DBH: variants seen among roughly 807,000 people sequenced by gnomAD.
DBH encodes dopamine beta-hydroxylase, also known as dopamine beta-hydroxylase (dopamine beta-monooxygenase).
Under a neutral mutation model 64.0 loss-of-function variants are expected in DBH, and 49 were observed. The ratio of observed to expected loss-of-function variants is 0.77; its 90% CI spans 0.61 to 0.97. The LOEUF is 0.97. DBH is among the 50% of genes least tolerant of loss of function. The pLI is 0.00. For missense variants in DBH, 828 were observed against 826.6 expected (o/e 1.00, Z -0.02); for synonymous variants, 343 against 347.1 (o/e 0.99, Z 0.13).
At chr9:133,651,860 T>A in intron 7 of DBH, 83 bp downstream of exon 7, 1 of 1,278,448 alleles carries the variant, frequency 7.8e-7, no homozygotes, top group Non-Finnish European at 1.1e-6. Context: ...CCTGACACCA[T>A]AGGGATGGCT....
At chr9:133,652,152 C>A in intron 7 of DBH, 94 bp from the exon 8 acceptor site, 1 of 1,449,966 alleles carries the variant, frequency 6.9e-7, no homozygotes, top group Non-Finnish European at 9.7e-7. Flanking sequence ...CCCCAGAGGT[C>A]AGGGAGGCCT....
At chr9:133,654,542 A>T (rs1832291086) in intron 9 of DBH, 1 of 152,244 alleles carries the variant, frequency 6.6e-6, no homozygotes, top group Non-Finnish European at 1.5e-5. Context: ...TTCAGGTGAC[A>T]AGTGTCCTAG....
At chr9:133,647,745 C>T (rs1214236841) in intron 5 of DBH, 101 bp from the exon 6 acceptor site, 16 of 1,461,950 alleles carry the variant, frequency 1.1e-5, no homozygotes, top group Middle Eastern at 1.7e-4. Flanking sequence ...GCCCTGCCTC[C>T]TGGCTGAGGG....
In DBH at chr9:133,636,774, T is replaced by C. The variant is rs879626068; in HGVS notation, c.339+64T>C. On this transcript the variant is annotated intron_variant, in intron 1 of 11. Coordinates refer to ENST00000393056, the MANE Select transcript of DBH (RefSeq NM_000787.4). Reference sequence around the variant, plus strand: ...TGACCCGGCACCCCATCTGGCCGTCTTTCTGCACTCACCCTCCTTAACCCA... The same window carrying C: ...TGACCCGGCACCCCATCTGGCCGTCCTTCTGCACTCACCCTCCTTAACCCA... The C allele has an allele frequency of 6.3e-6, 9 of 1,437,750 alleles. No homozygotes were observed. The Admixed American group carries it at 1.6e-4, about 26-fold the overall frequency. The allele number at this position is 1,437,750 out of a possible 1,614,324, so 89.1% of individuals were successfully genotyped here. A position where few individuals can be genotyped will look rare whatever the true frequency, so the allele number is the denominator to read the frequency against.
At position 133,642,207 on chromosome 9, in the gene DBH, G is replaced by T. The variant is rs755432513; in HGVS notation, c.487G>T (p.Asp163Tyr). Residue 163 changes from aspartate to tyrosine, a missense_variant and splice_region_variant, in exon 3 of 12, where the codon GAC (aspartate) becomes TAC (tyrosine). Asp to Tyr is a radical substitution (Grantham distance 160). Transcript: ENST00000393056. ...TCDPKDYLIEDGTVHLVYGIL... is the reference protein window; with the variant it reads ...TCDPKDYLIEYGTVHLVYGIL... Reference sequence around the variant, plus strand: ...CAGCTGAACCCTGTCTCGGCTGCAGGACGGCACTGTCCACTTGGTCTACGG... The same window carrying T: ...CAGCTGAACCCTGTCTCGGCTGCAGTACGGCACTGTCCACTTGGTCTACGG... 5.6e-6 allele frequency: 9 copies of T among 1,613,048 alleles called. No individual in the cohort carries two copies. The highest frequency in any genetic ancestry group is 2.2e-5 in the East Asian group (1 of 44,852).
chr9:133,640,118 C>T (rs1036678303), intron 2 of DBH, 126 bp downstream of exon 2: 39 of 1,332,614 alleles, frequency 2.9e-5, no homozygotes, highest in South Asian at 2.1e-4. Flanking sequence ...CCAGCTATGA[C>T]AGAGAGAAAG....
Position 133,639,996 on chromosome 9 carries a change from AG to A in DBH, c.486+8del. The A allele has an allele frequency of 6.2e-7, 1 of 1,613,834 alleles. No homozygotes were observed. The highest frequency in any genetic ancestry group is 1.1e-5 in the South Asian group (1 of 91,058). On this transcript the variant is annotated splice_donor_5th_base_variant and intron_variant, in intron 2 of 11. Transcript: ENST00000393056. The stretch of plus-strand genomic sequence containing the variant: ...CCCCAAGGATTACCTCATTGAAGTA[AG>A]GGGTGGCCGCGAGTACCCAGGAGGG...
intron 11 of DBH, 73 bp from the exon 12 acceptor site, chr9:133,658,232 AGAGGTGGCTGG>A (rs1266078723): frequency 2.6e-6 from 4 of 1,566,802 alleles, no homozygotes; most frequent in Non-Finnish European, 3.5e-6. Flanking sequence ...CAAGAATCCA[AGAGGTGGCTGG>A]GAAGTGGCTG....
At chr9:133,646,958 C>T (rs544626987) in intron 5 of DBH, among the ~76,000 whole-genome samples, 60 of 152,254 alleles carry the variant, frequency 3.9e-4, no homozygotes, top group African/African-American at 1.2e-3. Context: ...ACACAGTCTC[C>T]GTGACTCGAA....
At position 133,639,931 on chromosome 9, in the gene DBH, G is replaced by C; in HGVS notation, c.425G>C (p.Gly142Ala). 2 of 1,613,840 alleles carry C rather than the reference G, an allele frequency of 1.2e-6. No individual in the cohort carries two copies. The highest frequency in any genetic ancestry group is 2.2e-5 in the East Asian group (1 of 44,882). Reference sequence around the variant, plus strand: ...CTGCAGGTGCAGAGGACCCCAGAAGGCCTGACCCTGCTTTTCAAGAGGCCC... The same window carrying C: ...CTGCAGGTGCAGAGGACCCCAGAAGCCCTGACCCTGCTTTTCAAGAGGCCC... ...QLLQVQRTPE[G>A]LTLLFKRPFG... The change falls in exon 2 of 12, where the codon GGC becomes GCC. Residue 142 changes from glycine to alanine, a missense_variant. Transcript: ENST00000393056.
chr9:133,646,873 C>CA (rs1472321316), intron 5 of DBH, among the ~76,000 whole-genome samples: 1 of 152,176 alleles, frequency 6.6e-6, no homozygotes, highest in Admixed American at 6.5e-5. Flanking sequence ...GAGGCTGGCC[C>CA]AGGGAGCTTC....
intron 2 of DBH, among the ~76,000 whole-genome samples, chr9:133,641,480 C>T (rs1243237003): frequency 7.2e-5 from 11 of 152,254 alleles, no homozygotes; most frequent in Non-Finnish European, 1.6e-4. Context: ...GCGTCCCCTG[C>T]ACAGGGCGGC....
At chr9:133,645,269 G>T (rs1832169829) in intron 5 of DBH, among the ~76,000 whole-genome samples, 1 of 151,040 alleles carries the variant, frequency 6.6e-6, no homozygotes, top group Non-Finnish European at 1.5e-5. Flanking sequence ...GGCTGCATAA[G>T]TAATACCTTC....
At chr9:133,640,478 T>C (rs3025392) in intron 2 of DBH, among the ~76,000 whole-genome samples, 1,598 of 152,320 alleles carry the variant, frequency 0.01, 16 homozygotes, top group African/African-American at 0.036. Flanking sequence ...ATGATCTGTA[T>C]GGCCTGACCA....
chr9:133,656,934 C>A, intron 10 of DBH, 136 bp from the exon 11 acceptor site: 1 of 1,070,228 alleles, frequency 9.3e-7, no homozygotes, highest in Non-Finnish European at 1.4e-6. Flanking sequence ...CTGGCGGAGG[C>A]AGCGGGGCTG....
At chr9:133,644,359 G>A in intron 5 of DBH, 39 bp downstream of exon 5, 1 of 1,539,842 alleles carries the variant, frequency 6.5e-7, no homozygotes, top group Admixed American at 1.7e-5. Context: ...GAAGCCCTAG[G>A]ACTCAGCTGT....
At chr9:133,640,324 G>C (rs542536997) in intron 2 of DBH, among the ~76,000 whole-genome samples, 1 of 152,340 alleles carries the variant, frequency 6.6e-6, no homozygotes, top group South Asian at 2.1e-4. Flanking sequence ...TCCTGGTCCT[G>C]TTAACCATCA....
At chr9:133,638,472 G>A (rs1047589357) in intron 1 of DBH, among the ~76,000 whole-genome samples, 2 of 152,190 alleles carry the variant, frequency 1.3e-5, no homozygotes, top group African/African-American at 4.8e-5. Flanking sequence ...GGCTTTCTTG[G>A]GGTTTCCATG....
chr9:133,647,804 C>T (rs1455489026), intron 5 of DBH, 42 bp from the exon 6 acceptor site: 2 of 1,611,752 alleles, frequency 1.2e-6, no homozygotes, highest in Middle Eastern at 1.6e-4. Flanking sequence ...GTGAGAGGGC[C>T]TCCACTTACC....
Sources: allele counts gnomAD v4.1 joint callset (sites outside exome capture counted in the v4.1 genomes callset), GRCh38; gene constraint gnomAD v4.1.1; transcripts MANE v1.5; gene names NCBI Gene and HGNC (gene_info 2026-07-23, HGNC 2026-07-21).